ITCH: variants seen among roughly 807,000 people sequenced by gnomAD.
The protein encoded by ITCH is itchy E3 ubiquitin protein ligase, also known as E3 ubiquitin-protein ligase Itchy homolog.
ITCH carries 28 observed loss-of-function variants against 126.8 expected under a neutral mutation model. That is an observed-to-expected ratio of 0.22 (90% CI 0.16 to 0.30). The LOEUF is 0.30. Ranked by LOEUF, ITCH falls within the 10% of genes least tolerant of loss-of-function variation. ITCH has a pLI of 1.00. For missense variants in ITCH, 631 were observed against 1,032.4 expected, an observed-to-expected ratio of 0.61 and a Z score of 5.33; for synonymous variants, 342 against 340.0, an observed-to-expected ratio of 1.01 and a Z score of -0.06.
chr20:34,487,491 T>C (rs796226945), intron 20 of ITCH, among the ~76,000 whole-genome samples: 12 of 152,342 alleles, frequency 7.9e-5, no homozygotes, highest in African/African-American at 2.6e-4. Flanking sequence ...TTTCTTGCCT[T>C]CTTTGAATAA....
intron 16 of ITCH, among the ~76,000 whole-genome samples, chr20:34,474,570 C>T (rs1600436968): frequency 6.6e-6 from 1 of 152,236 alleles, no homozygotes; most frequent in African/African-American, 2.4e-5. Context: ...CTTCTTTCTG[C>T]ACAGACACGG....
At chr20:34,416,052 G>A (rs1979792317) in intron 6 of ITCH, among the ~76,000 whole-genome samples, 1 of 150,728 alleles carries the variant, frequency 6.6e-6, no homozygotes, top group Admixed American at 6.6e-5. Flanking sequence ...AAACCAGAAG[G>A]TGGAGGTTGC....
intron 2 of ITCH, among the ~76,000 whole-genome samples, chr20:34,380,300 A>AT (rs917127015): frequency 6.6e-6 from 1 of 151,958 alleles, no homozygotes; most frequent in Non-Finnish European, 1.5e-5. Flanking sequence ...TATTTTAGTA[A>AT]TTTTTTGAAG....
chr20:34,477,858 A>T lies in ITCH; in HGVS notation c.1656A>T (p.Ala552=). Residue 552 remains alanine, a splice_region_variant and synonymous_variant, in exon 17 of 25, where the codon GCA becomes GCT. Transcript: ENST00000374864. ...AAGGTTTAGATTATGGAGGTGTAGC[A>T]AGGTAGTGATAATATGAATACTCAG... is the stretch of plus-strand genomic sequence containing the variant. ...GEEGLDYGGV[A]REWFFLLSHE... 6.2e-7 allele frequency: 1 copy of T among 1,613,382 alleles called. No homozygotes were observed. The highest frequency in any genetic ancestry group is 1.1e-5 in the South Asian group (1 of 91,048).
chr20:34,424,273 G>A (rs909762465), intron 6 of ITCH, among the ~76,000 whole-genome samples: 1 of 152,220 alleles, frequency 6.6e-6, no homozygotes, highest in East Asian at 1.9e-4. Flanking sequence ...TAATTATTAA[G>A]CATTTGCACA....
Position 34,393,839 on chromosome 20 carries a change from T to A in ITCH, c.28T>A (p.Ser10Thr), listed in dbSNP as rs2038572671. 6.2e-7 allele frequency: 1 copy of A among 1,614,094 alleles called. No individual in the cohort carries two copies. The highest frequency in any genetic ancestry group is 8.5e-7 in the Non-Finnish European group (1 of 1,179,954). ...GTCTGACAGTGGATCACAACTTGGT[T>A]CAATGGGTAGCCTCACCATGAAATC... MSDSGSQLGSMGSLTMKSQL... is the reference protein window; with the variant it reads MSDSGSQLGTMGSLTMKSQL... The change falls in exon 3 of 25, where the codon TCA becomes ACA. Residue 10 changes from serine to threonine, a missense_variant. Physicochemically the swap from Ser to Thr is moderately conservative, Grantham distance 58. This residue lies in a region of ITCH where 19 missense variants were observed against 17.5 expected (regional missense o/e 1.08). Coordinates refer to ENST00000374864, the MANE Select transcript of ITCH (RefSeq NM_031483.7).
chr20:34,384,279 CTT>C (rs35124886), intron 2 of ITCH: 15 of 103,828 alleles, frequency 1.4e-4, no homozygotes, highest in Non-Finnish European at 3.6e-5. Context: ...GCCTGTAATT[CTT>C]TTTTTTTTTT....
chr20:34,430,475 CTGTTT>C (rs762481831), intron 7 of ITCH, among the ~76,000 whole-genome samples: 5 of 150,786 alleles, frequency 3.3e-5, no homozygotes, highest in African/African-American at 7.3e-5. Flanking sequence ...TGATTTTGTT[CTGTTT>C]TGTTTTGTTT....
intron 3 of ITCH, among the ~76,000 whole-genome samples, chr20:34,406,062 C>T (rs2146133358): frequency 6.6e-6 from 1 of 151,716 alleles, no homozygotes; most frequent in South Asian, 2.1e-4. Flanking sequence ...TGCTCTGTTG[C>T]CCAGGCTGGA....
At chr20:34,406,894 A>T (rs1195553819) in intron 3 of ITCH, among the ~76,000 whole-genome samples, 1 of 152,136 alleles carries the variant, frequency 6.6e-6, no homozygotes, top group Non-Finnish European at 1.5e-5. Flanking sequence ...GGGTTCCTTA[A>T]CTTTGATGAG....
At chr20:34,487,156 C>T (rs968160079) in intron 20 of ITCH, among the ~76,000 whole-genome samples, 53 of 151,716 alleles carry the variant, frequency 3.5e-4, no homozygotes, top group African/African-American at 6.1e-4. Flanking sequence ...GGACTACAGG[C>T]GCCTGCCACC....
chr20:34,402,485 A>G, intron 3 of ITCH: 1 of 763,942 alleles, frequency 1.3e-6, no homozygotes, highest in Non-Finnish European at 2.5e-6. Context: ...TAGACTAGAA[A>G]TACATCTGTT....
At chr20:34,466,498 A>G (rs546311267) in intron 14 of ITCH, 14 of 475,490 alleles carry the variant, frequency 2.9e-5, no homozygotes, top group African/African-American at 2.0e-4. Context: ...CCAATTTGGT[A>G]TTAATGAAAT....
chr20:34,434,682 T>G (rs1982773298), intron 7 of ITCH, among the ~76,000 whole-genome samples: 1 of 152,070 alleles, frequency 6.6e-6, no homozygotes, highest in African/African-American at 2.4e-5. Context: ...AATCATTATT[T>G]TTAGGGAAGA....
At chr20:34,451,699 T>C (rs1985266515) in intron 12 of ITCH, among the ~76,000 whole-genome samples, 1 of 152,176 alleles carries the variant, frequency 6.6e-6, no homozygotes, top group Admixed American at 6.5e-5. Context: ...TAGAGTTGTA[T>C]GTCTTATGTT....
chr20:34,429,389 A>G (rs1395931875), intron 7 of ITCH, among the ~76,000 whole-genome samples: 1 of 152,222 alleles, frequency 6.6e-6, no homozygotes, highest in Non-Finnish European at 1.5e-5. Context: ...AATAAATAAA[A>G]TAAACCGCCA....
intron 7 of ITCH, among the ~76,000 whole-genome samples, chr20:34,435,664 A>T (rs1982916263): frequency 1.3e-5 from 2 of 152,224 alleles, no homozygotes; most frequent in South Asian, 2.1e-4. Flanking sequence ...CAACTGGAAC[A>T]TTCTCCAGCA....
chr20:34,502,037 AGACCAT>A (rs1267960268), intron 23 of ITCH, among the ~76,000 whole-genome samples: 1 of 152,198 alleles, frequency 6.6e-6, no homozygotes, highest in African/African-American at 2.4e-5. Flanking sequence ...AAAGCCTCGG[AGACCAT>A]AACATTTGAA....
Position 34,471,453 on chromosome 20 carries a change from A to ATGG in ITCH, c.1509_1510insGTG (p.Met503_Pro504insVal). The ATGG allele has an allele frequency of 1.9e-6, 3 of 1,602,060 alleles. No homozygotes were observed. The highest frequency in any genetic ancestry group is 2.6e-6 in the Non-Finnish European group (3 of 1,169,000). On this transcript the variant is annotated inframe_insertion, in exon 16 of 25. Coordinates refer to ENST00000374864, the MANE Select transcript of ITCH (RefSeq NM_031483.7). The stretch of plus-strand genomic sequence containing the variant: ...CATTCTTCTATTTCAGCAACTGGCC[A>ATGG]TGCCACAGCACATAAAGATTACAGT...
Sources: allele counts gnomAD v4.1 joint callset (sites outside exome capture counted in the v4.1 genomes callset), GRCh38; gene constraint gnomAD v4.1.1; regional missense constraint gnomAD v4.1.1; transcripts MANE v1.5; gene names NCBI Gene and HGNC (gene_info 2026-07-23, HGNC 2026-07-21).